Variants in DHRS4L2 observed in about 807,000 individuals in gnomAD.
DHRS4L2 encodes the protein dehydrogenase/reductase 4 like 2, also known as dehydrogenase/reductase SDR family member 4-like 2.
DHRS4L2 carries 22 observed loss-of-function variants against 23.9 expected under a neutral mutation model. The ratio of observed to expected loss-of-function variants is 0.92; its 90% confidence interval spans 0.66 to 1.31. DHRS4L2 has a LOEUF of 1.31. Among genes scored for constraint, DHRS4L2 ranks in the 40% most tolerant of loss-of-function variants. The probability of loss-of-function intolerance (pLI) is 0.00; values close to 1 mark genes in which losing one functional copy is unlikely to be tolerated. For synonymous variants in DHRS4L2, 141 were observed against 123.7 expected, an observed-to-expected ratio of 1.14 and a Z score of -0.93; for missense variants, 385 against 303.3, an observed-to-expected ratio of 1.27 and a Z score of -2.00.
upstream of DHRS4L2, among the ~76,000 whole-genome samples, chr14:23,984,379 TC>T (rs1318437681): frequency 1.3e-5 from 2 of 151,648 alleles, no homozygotes; most frequent in African/African-American, 4.8e-5. Flanking sequence ...AAATTCCAAT[TC>T]AGAGAAAATT....
chr14:23,976,691 C>G (rs2033973386), intron 1 of DHRS4L2, among the ~76,000 whole-genome samples: 1 of 151,806 alleles, frequency 6.6e-6, no homozygotes, highest in Non-Finnish European at 1.5e-5. Context: ...ATAGCAAAAA[C>G]TTGGAACCAA....
chr14:23,990,202 G>A lies in DHRS4L2; in HGVS notation c.149G>A (p.Arg50Gln), dbSNP rs145901014. 6.9e-4 allele frequency: 1,106 copies of A among 1,612,788 alleles called. 28 individuals carry two copies. The highest frequency in any genetic ancestry group is 8.4e-4 in the Non-Finnish European group (995 of 1,179,326). ...CACAGGATCGGCTTCGCCATCGCCC[G>A]GCGTTTGGCCCAGGACAGGGCCCAC... is the stretch of plus-strand genomic sequence containing the variant. ...STDGIGFAIA[R>Q]RLAQDRAHVV... Residue 50 changes from arginine to glutamine, a missense_variant, in exon 2 of 8, where the codon CGG becomes CAG. Arg to Gln is a conservative substitution (Grantham distance 43). Coordinates refer to ENST00000335125, the MANE Select transcript of DHRS4L2 (RefSeq NM_198083.4).
intron 1 of DHRS4L2, among the ~76,000 whole-genome samples, chr14:23,982,767 C>G (rs544871688): frequency 1.3e-5 from 2 of 151,722 alleles, no homozygotes; most frequent in Admixed American, 6.6e-5. Context: ...AAAACTGAAA[C>G]TGGACCCCTT....
intron 3 of DHRS4L2, among the ~76,000 whole-genome samples, chr14:23,996,664 T>TC (rs370306736): frequency 7.3e-6 from 1 of 136,838 alleles, no homozygotes; most frequent in South Asian, 2.4e-4. Context: ...TTTTTTTTTT[T>TC]CCCCCTCGCT....
chr14:23,974,320 A>C (rs2033925687), intron 1 of DHRS4L2, among the ~76,000 whole-genome samples: 1 of 151,708 alleles, frequency 6.6e-6, no homozygotes, highest in South Asian at 2.1e-4. Context: ...TCAACACCCT[A>C]ACCTCAAAAT....
chr14:23,971,962 A>G (rs1402998111), intron 1 of DHRS4L2, among the ~76,000 whole-genome samples: 1 of 152,122 alleles, frequency 6.6e-6, no homozygotes, highest in African/African-American at 2.4e-5. Flanking sequence ...TGACAGGATC[A>G]AATTCACATA....
chr14:23,981,784 G>A (rs2034057772), intron 1 of DHRS4L2, among the ~76,000 whole-genome samples: 1 of 151,698 alleles, frequency 6.6e-6, no homozygotes, highest in South Asian at 2.1e-4. Flanking sequence ...TCACAAATAA[G>A]TTCAAGGGAA....
At position 24,006,034 on chromosome 14, in the gene DHRS4L2, C is replaced by T; in HGVS notation, c.*171C>T. The T allele has an allele frequency of 6.9e-6, 11 of 1,600,158 alleles. No individual in the cohort carries two copies. The highest frequency in any genetic ancestry group is 1.1e-5 in the South Asian group (1 of 89,334). Reference sequence around the variant, plus strand: ...AGACAGCCCACAGGCCAGAGTTGGGCTCTAGCTCCTGGTGCTGTTCCTGCA... The same window carrying T: ...AGACAGCCCACAGGCCAGAGTTGGGTTCTAGCTCCTGGTGCTGTTCCTGCA... On this transcript the variant is annotated 3_prime_UTR_variant, in exon 8 of 8. Coordinates refer to ENST00000335125, the MANE Select transcript of DHRS4L2 (RefSeq NM_198083.4).
In DHRS4L2 at chr14:24,004,405, G is replaced by C; in HGVS notation, c.*22+13G>C. 1 of 1,596,752 alleles carries C rather than the reference G, an allele frequency of 6.3e-7. No individual in the cohort carries two copies. Among genetic ancestry groups the C allele is most frequent in the Non-Finnish European group, 8.5e-7 (1 of 1,175,540 alleles). On this transcript the variant is annotated intron_variant, in intron 7 of 7. Coordinates refer to ENST00000335125, the MANE Select transcript of DHRS4L2 (RefSeq NM_198083.4). ...TGCGGATAAGAAGGTAAACTGTCAT[G>C]AGGGCAAGGGCACTAAGAGACATGA... is the stretch of plus-strand genomic sequence containing the variant.
chr14:23,980,763 G>A (rs2034036480), intron 1 of DHRS4L2, among the ~76,000 whole-genome samples: 1 of 151,302 alleles, frequency 6.6e-6, no homozygotes, highest in Non-Finnish European at 1.5e-5. Context: ...AGCCTTTCAT[G>A]CTAAAAACTC....
intron 3 of DHRS4L2, among the ~76,000 whole-genome samples, chr14:23,999,156 T>A (rs1270882514): frequency 6.8e-6 from 1 of 146,126 alleles, no homozygotes; most frequent in African/African-American, 2.5e-5. Context: ...TGGTTTGTGG[T>A]ACCCCAAAAC....
chr14:23,971,143 A>T (rs961205657), intron 1 of DHRS4L2, among the ~76,000 whole-genome samples: 1 of 152,118 alleles, frequency 6.6e-6, no homozygotes, highest in African/African-American at 2.4e-5. Flanking sequence ...CTGGATGGAG[A>T]ATAAGTTTGA....
chr14:23,986,503 A>G (rs1255519321), upstream of DHRS4L2, among the ~76,000 whole-genome samples: 1 of 117,082 alleles, frequency 8.5e-6, no homozygotes, highest in African/African-American at 3.2e-5. Flanking sequence ...AACTTAAAGT[A>G]TAATAAAAAA....
At chr14:23,994,088 C>T (rs202108538) in intron 2 of DHRS4L2, among the ~76,000 whole-genome samples, 3 of 151,774 alleles carry the variant, frequency 2.0e-5, no homozygotes, top group Admixed American at 6.6e-5. Flanking sequence ...CTTAAGGACA[C>T]TGGAATAGAT....
chr14:23,980,640 C>G (rs1221968012), intron 1 of DHRS4L2, among the ~76,000 whole-genome samples: 1 of 149,726 alleles, frequency 6.7e-6, no homozygotes, highest in Non-Finnish European at 1.5e-5. Context: ...GGATACAAGG[C>G]TGGTTCAACA....
At chr14:23,974,541 A>G (rs112044650) in intron 1 of DHRS4L2, among the ~76,000 whole-genome samples, 137 of 151,886 alleles carry the variant, frequency 9.0e-4, no homozygotes, top group Middle Eastern at 3.4e-3. Context: ...AGTCAAATAG[A>G]CACAATAAAA....
upstream of DHRS4L2, among the ~76,000 whole-genome samples, chr14:23,987,652 C>G (rs1339343620): frequency 2.6e-5 from 4 of 151,640 alleles, no homozygotes; most frequent in Non-Finnish European, 5.9e-5. Flanking sequence ...TTTTCTGAAA[C>G]AAAACACTAA....
intron 3 of DHRS4L2, among the ~76,000 whole-genome samples, chr14:23,995,551 A>T (rs1451173984): frequency 6.6e-6 from 1 of 151,790 alleles, no homozygotes. Flanking sequence ...GCTGCTAGTT[A>T]TTTAAAATAC....
chr14:23,990,463 C>T (rs1310032106), intron 2 of DHRS4L2, 104 bp downstream of exon 2: 1 of 1,442,464 alleles, frequency 6.9e-7, no homozygotes, highest in African/African-American at 1.4e-5. Flanking sequence ...TACTGTGTGC[C>T]TTTCTATTAT....
Sources: gnomAD v4.1 joint callset for allele counts (sites outside exome capture counted in the v4.1 genomes callset) on GRCh38, gnomAD v4.1.1 for gene constraint, MANE v1.5 for transcripts, NCBI Gene and HGNC (gene_info 2026-07-23, HGNC 2026-07-21) for gene names.